The following IFI35 variants were observed in gnomAD, a reference collection of about 807,000 sequenced individuals.
IFI35 encodes the protein interferon induced protein 35, also known as interferon-induced 35 kDa protein.
IFI35 carries 30 observed loss-of-function variants against 28.6 expected under a neutral mutation model. The ratio of observed to expected loss-of-function variants is 1.05; its 90% CI spans 0.79 to 1.43. The LOEUF is 1.43. IFI35 is among the 40% of genes most tolerant of loss of function. IFI35 has a pLI of 0.00. For synonymous variants in IFI35, 146 were observed against 154.8 expected, an observed-to-expected ratio of 0.94 and a Z score of 0.42; for missense variants, 372 against 356.9, an observed-to-expected ratio of 1.04 and a Z score of -0.34.
In IFI35 at chr17:43,012,293, T is replaced by C. The variant is rs1331054194; in HGVS notation, c.120+16T>C. 6.5e-7 allele frequency: 1 copy of C among 1,545,418 alleles called. No homozygotes were observed. The highest frequency in any genetic ancestry group is 8.8e-7 in the Non-Finnish European group (1 of 1,140,038). ...CAAAGACAAGGTAAGGTGGGAGATC[T>C]GGTGTTGTTTGGTAAAAACGAGCTG... On this transcript the variant is annotated intron_variant, in intron 2 of 6. Transcript: ENST00000415816.
intron 1 of IFI35, 118 bp downstream of exon 1, chr17:43,007,086 T>A: frequency 8.9e-7 from 1 of 1,120,796 alleles, no homozygotes; most frequent in Non-Finnish European, 1.4e-6. Flanking sequence ...TCAGACCTGC[T>A]GAAGGGCTGG....
Position 43,006,934 on chromosome 17 carries a change from C to G in IFI35, c.-14C>G. 6.2e-7 allele frequency: 1 copy of G among 1,614,102 alleles called. No homozygotes were observed. Among genetic ancestry groups the G allele is most frequent in the East Asian group, 2.2e-5 (1 of 44,884 alleles). ...CTCTGAAGCCTCAGCTCTTGCCAAA[C>G]AGACCCGAGACCCATGTCAGCCCCA... On this transcript the variant is annotated 5_prime_UTR_variant, in exon 1 of 7. Coordinates refer to ENST00000415816, the MANE Select transcript of IFI35 (RefSeq NM_001330230.2).
In IFI35 at chr17:43,013,366, C is replaced by T; in HGVS notation, c.368C>T (p.Thr123Ile). The T allele has an allele frequency of 1.2e-6, 2 of 1,614,074 alleles. No individual in the cohort carries two copies. The highest frequency in any genetic ancestry group is 1.7e-5 in the Admixed American group (1 of 60,008). The change falls in exon 4 of 7, where the codon ACC (threonine) becomes ATC (isoleucine). Residue 123 changes from threonine to isoleucine, a missense_variant. By Grantham distance (89) the Thr-to-Ile change is moderately conservative. Coordinates refer to ENST00000415816, the MANE Select transcript of IFI35 (RefSeq NM_001330230.2). ...CCCTTGGAGCTGCCCATGGTCACCA[C>T]CATCCAGGTGATGGTATGACAGAAT... Reference protein sequence around the residue: ...VQPLELPMVTTIQMSSQLSGR... With the variant: ...VQPLELPMVTIIQMSSQLSGR...
chr17:43,013,091 C>T lies in IFI35; in HGVS notation c.165C>T (p.His55=). 1.9e-6 allele frequency: 3 copies of T among 1,614,106 alleles called. No individual in the cohort carries two copies. In the South Asian group the frequency reaches 3.3e-5, roughly 18 times the overall value. ...AGATCCCCCTGGTATTCCGAGGACA[C>T]ACCCAGCAGGACCCGGAAGTGCCTA... ...VPKIPLVFRG[H]TQQDPEVPKS... The change falls in exon 3 of 7, where the codon CAC becomes CAT. Residue 55 remains histidine, a synonymous_variant. Coordinates refer to ENST00000415816, the MANE Select transcript of IFI35 (RefSeq NM_001330230.2).
Position 43,013,471 on chromosome 17 carries a change from C to A in IFI35, c.376-5C>A, listed in dbSNP as rs773755551. 3 of 1,613,810 alleles carry A rather than the reference C, an allele frequency of 1.9e-6. No homozygotes were observed. Among genetic ancestry groups the A allele is most frequent in the South Asian group, 2.2e-5 (2 of 91,044 alleles). ...CTGGGACCACCCCTTGCTGTCTCCC[C>A]CTAGATGTCCAGCCAGTTGAGTGGC... On this transcript the variant is annotated splice_polypyrimidine_tract_variant and splice_region_variant and intron_variant, in intron 4 of 6. Transcript: ENST00000415816.
At position 43,013,135 on chromosome 17, in the gene IFI35, T is replaced by G; in HGVS notation, c.209T>G (p.Leu70Trp). The change falls in exon 3 of 7, where the codon TTG becomes TGG. Residue 70 changes from leucine (L) to tryptophan (W), a missense_variant. Physicochemically the swap from Leu to Trp is moderately conservative, Grantham distance 61 (BLOSUM62 -2). Transcript: ENST00000415816. ...PEVPKSLVSN[L>W]RIHCPLLAGS... ...GTGCCTAAGTCTTTAGTTTCCAATT[T>G]GCGGATCCACTGCCCTCTGCTTGCG... 6 of 1,614,008 alleles carry G rather than the reference T, an allele frequency of 3.7e-6. No individual in the cohort carries two copies. Among genetic ancestry groups the G allele is most frequent in the Non-Finnish European group, 5.1e-6 (6 of 1,180,026 alleles).
At chr17:43,009,724 G>A (rs2050440368) in intron 1 of IFI35, among the ~76,000 whole-genome samples, 1 of 151,910 alleles carries the variant, frequency 6.6e-6, no homozygotes, top group South Asian at 2.1e-4. Flanking sequence ...CTGCATTCCA[G>A]CCTGGCGACA....
At chr17:43,012,957 C>T in intron 2 of IFI35, 90 bp from the exon 3 acceptor site, 6 of 1,349,254 alleles carry the variant, frequency 4.4e-6, no homozygotes, top group Non-Finnish European at 6.2e-6. Context: ...GTATTTATCT[C>T]CGGCACTCAG....
At chr17:43,013,015 G>T in intron 2 of IFI35, 32 bp from the exon 3 acceptor site, 1 of 1,604,318 alleles carries the variant, frequency 6.2e-7, no homozygotes. Context: ...GTGGGAGTGA[G>T]GAACACTCCT....
intron 1 of IFI35, among the ~76,000 whole-genome samples, chr17:43,009,643 C>T (rs1030255608): frequency 1.1e-4 from 16 of 152,086 alleles, no homozygotes; most frequent in South Asian, 2.1e-4. Flanking sequence ...GTCCCAGCTA[C>T]TCGGGAGGCT....
Position 43,013,251 on chromosome 17 carries a change from G to A in IFI35, c.269-16G>A, listed in dbSNP as rs1359443290. 1 of 1,614,082 alleles carries A rather than the reference G, an allele frequency of 6.2e-7. No homozygotes were observed. Among genetic ancestry groups the A allele is most frequent in the South Asian group, 1.1e-5 (1 of 91,076 alleles). On this transcript the variant is annotated splice_polypyrimidine_tract_variant and intron_variant, in intron 3 of 6. Coordinates refer to ENST00000415816, the MANE Select transcript of IFI35 (RefSeq NM_001330230.2). ...GGGGAGGGTTCCCAGTACTGACCCT[G>A]TTTCCCACCACCCAGTGGCTGAGCA...
chr17:43,008,681 G>A (rs1049457080), intron 1 of IFI35, among the ~76,000 whole-genome samples: 1 of 151,752 alleles, frequency 6.6e-6, no homozygotes, highest in South Asian at 2.1e-4. Context: ...CCGCCACCAC[G>A]CCCAGCTAGT....
In IFI35 at chr17:43,006,895, G is replaced by A. The variant is rs906537316; in HGVS notation, c.-53G>A. ...CAAGAGTTCAGTTGCTGTGAATTCT[G>A]CCACTGTGCCCAGCTCTGAAGCCTC... On this transcript the variant is annotated 5_prime_UTR_variant, in exon 1 of 7. Coordinates refer to ENST00000415816, the MANE Select transcript of IFI35 (RefSeq NM_001330230.2). 1 of 1,608,130 alleles carries A rather than the reference G, an allele frequency of 6.2e-7. No homozygotes were observed. Among genetic ancestry groups the A allele is most frequent in the Admixed American group, 1.7e-5 (1 of 60,000 alleles).
At chr17:43,009,631 T>C (rs960265547) in intron 1 of IFI35, among the ~76,000 whole-genome samples, 8 of 152,018 alleles carry the variant, frequency 5.3e-5, no homozygotes, top group Non-Finnish European at 1.2e-4. Context: ...TGCGTGCCTG[T>C]AGTCCCAGCT....
intron 1 of IFI35, among the ~76,000 whole-genome samples, chr17:43,007,830 A>G (rs889780633): frequency 9.5e-5 from 9 of 95,002 alleles, no homozygotes; most frequent in Non-Finnish European, 1.4e-4. Context: ...TCTCTCACAC[A>G]CACACACACA....
Position 43,012,256 on chromosome 17 carries a change from C to T in IFI35, c.99C>T (p.Leu33=), listed in dbSNP as rs1048725371. 15 of 1,573,502 alleles carry T rather than the reference C, an allele frequency of 9.5e-6. No individual in the cohort carries two copies. The highest frequency in any genetic ancestry group is 7.4e-5 in the Admixed American group (4 of 53,886). The change falls in exon 2 of 7, where the codon CTC becomes CTT. Residue 33 remains leucine (L), a synonymous_variant. Coordinates refer to ENST00000415816, the MANE Select transcript of IFI35 (RefSeq NM_001330230.2). The part of the protein sequence containing the change: ...LWDLQQLRKE[L]GDSPKDKVPF... ...ACCTGCAGCAGCTGAGAAAGGAGCTCGGGGACTCCCCCAAAGACAAGGTAA... is the reference window on the plus strand; with the variant it reads ...ACCTGCAGCAGCTGAGAAAGGAGCTTGGGGACTCCCCCAAAGACAAGGTAA...
rs753328744 is a variant in IFI35, at chr17:43,013,671, T to A, written c.562+9T>A. The A allele has an allele frequency of 1.2e-5, 20 of 1,613,366 alleles. No individual in the cohort carries two copies. The South Asian group carries it at 1.9e-4, about 15-fold the overall frequency. The stretch of plus-strand genomic sequence containing the variant: ...GTTTGCTAGGGATGGAGGTGAGGGC[T>A]ATGCAGGCCTCCTGCAGGGGAGAGG... On this transcript the variant is annotated intron_variant, in intron 5 of 6. Coordinates refer to ENST00000415816, the MANE Select transcript of IFI35 (RefSeq NM_001330230.2).
chr17:43,008,465 C>T (rs1300171435), intron 1 of IFI35, among the ~76,000 whole-genome samples: 1 of 147,438 alleles, frequency 6.8e-6, no homozygotes, highest in African/African-American at 2.5e-5. Context: ...TCTCTTGCCT[C>T]AGCATCCCAA....
Position 43,006,928 on chromosome 17 carries a change from GC to G in IFI35, c.-18del. 1 of 1,614,034 alleles carries G rather than the reference GC, an allele frequency of 6.2e-7. No individual in the cohort carries two copies. Among genetic ancestry groups the G allele is most frequent in the Non-Finnish European group, 8.5e-7 (1 of 1,179,912 alleles). ...GCCCAGCTCTGAAGCCTCAGCTCTT[GC>G]CAAACAGACCCGAGACCCATGTCAG... On this transcript the variant is annotated 5_prime_UTR_variant, in exon 1 of 7. Transcript: ENST00000415816.
Sources: gnomAD v4.1 joint callset for allele counts (sites outside exome capture counted in the v4.1 genomes callset) on GRCh38, gnomAD v4.1.1 for gene constraint, MANE v1.5 for transcripts, NCBI Gene and HGNC (gene_info 2026-07-23, HGNC 2026-07-21) for gene names.